ZNF217: variants seen among roughly 807,000 people sequenced by gnomAD.
ZNF217 encodes the protein zinc finger protein 217.
A neutral mutation model predicts 73.3 loss-of-function variants in ZNF217; 12 were observed. That is an observed-to-expected ratio of 0.16 (90% CI 0.10 to 0.27). The LOEUF is 0.27. Among genes scored for constraint, ZNF217 ranks in the 10% least tolerant of loss-of-function variants. ZNF217 has a pLI of 1.00. For missense variants in ZNF217, 1,195 were observed against 1,327.8 expected (o/e 0.90, Z 1.55); for synonymous variants, 588 against 516.4 (o/e 1.14, Z -1.88).
At position 53,592,382 on chromosome 20, in the gene ZNF217, G is replaced by C. The variant is rs1403393571; in HGVS notation, c.-343+1374C>G. Among the ~76,000 whole-genome samples the C allele has an allele frequency of 6.5e-5, 9 of 138,396 alleles. No homozygotes were observed. In the East Asian group the frequency reaches 1.4e-3, roughly 21 times the overall value. The allele number at this position is 138,396 out of a possible 152,430, so 90.8% of individuals were successfully genotyped here. A position where few individuals can be genotyped will look rare whatever the true frequency, so the allele number is the denominator to read the frequency against. On this transcript the variant is annotated intron_variant, in intron 1 of 5. Transcript: ENST00000371471. ...AACCTGAAATGACTACCCTTTTCTG[G>C]GGGGTGGGGGGAAAGAAAAAGAAAA...
At chr20:53,591,407 C>A (rs1988875119) in intron 1 of ZNF217, among the ~76,000 whole-genome samples, 2 of 152,166 alleles carry the variant, frequency 1.3e-5, no homozygotes, top group African/African-American at 4.8e-5. Context: ...CCTCATCACG[C>A]CAAATCATTA....
In ZNF217 at chr20:53,581,626, G is replaced by A; in HGVS notation, c.1201C>T (p.Arg401Trp). ...GTGGGCGACTCCGCGCCGGCCCTCC[G>A]GTCCTTCTTGTGGACCCTGGAGTGC... The part of the protein sequence containing the change: ...VLHSRVHKKD[R>W]RAGAESPTMS... Residue 401 changes from arginine to tryptophan, a missense_variant, in exon 2 of 6, where the codon CGG becomes TGG. Arg to Trp is a moderately radical substitution (Grantham distance 101). Around this residue, in one of 9 missense-constraint regions of ZNF217, gnomAD observed 116 missense variants for 121.9 expected, o/e 0.95. Transcript: ENST00000371471. This position sits in a 1 kb window ranked among gnomAD's most constrained non-coding sequence, Gnocchi z 4.9. 1.9e-6 allele frequency: 3 copies of A among 1,614,208 alleles called. No homozygotes were observed. Among genetic ancestry groups the A allele is most frequent in the African/African-American group, 1.3e-5 (1 of 75,054 alleles).
intron 4 of ZNF217, among the ~76,000 whole-genome samples, chr20:53,573,313 A>C (rs1988099660): frequency 6.6e-6 from 1 of 152,000 alleles, no homozygotes; most frequent in South Asian, 2.1e-4. Context: ...AGCAGAGACG[A>C]GGTTTCTCCA....
chr20:53,576,183 A>G lies in ZNF217; in HGVS notation c.2581T>C (p.Leu861=), dbSNP rs1239488198. ...GAAGGAGCTACTGGAAGAGGTTTCAATTTTGTCTCGGGTCTTTTTGTCTTA... is the reference window on the plus strand; with the variant it reads ...GAAGGAGCTACTGGAAGAGGTTTCAGTTTTGTCTCGGGTCTTTTTGTCTTA... The part of the protein sequence containing the change: ...PDKTKRPETK[L]KPLPVAPSQP... Residue 861 remains leucine, a synonymous_variant, in exon 4 of 6, where the codon TTG becomes CTG. Coordinates refer to ENST00000371471, the MANE Select transcript of ZNF217 (RefSeq NM_006526.3). 1.2e-6 allele frequency: 2 copies of G among 1,614,144 alleles called. No homozygotes were observed. The highest frequency in any genetic ancestry group is 1.7e-6 in the Non-Finnish European group (2 of 1,180,028).
At chr20:53,585,482 T>C (rs1988663969) in intron 1 of ZNF217, among the ~76,000 whole-genome samples, 1 of 152,002 alleles carries the variant, frequency 6.6e-6, no homozygotes, top group Non-Finnish European at 1.5e-5. Context: ...GAGGTGGAGG[T>C]TGCAGTGAGC....
chr20:53,576,671 G>A lies in ZNF217; in HGVS notation c.2093C>T (p.Pro698Leu), dbSNP rs369074794. ...CAAACTTTTACTCAAAGAAATTGCC[G>A]GGCAATTGTGAAGAGCCCCCACGGA... is the stretch of plus-strand genomic sequence containing the variant. ...NLSVGALHNCPAISLSKSLIP... is the reference protein window; with the variant it reads ...NLSVGALHNCLAISLSKSLIP... Residue 698 changes from proline to leucine, a missense_variant, in exon 4 of 6, where the codon CCG becomes CTG. This residue lies in a region of ZNF217 where 649 missense variants were observed against 642.8 expected (regional missense o/e 1.01). Coordinates refer to ENST00000371471, the MANE Select transcript of ZNF217 (RefSeq NM_006526.3). 11 of 1,614,040 alleles carry A rather than the reference G, an allele frequency of 6.8e-6. No homozygotes were observed. Among genetic ancestry groups the A allele is most frequent in the Admixed American group, 3.3e-5 (2 of 60,004 alleles).
upstream of ZNF217, among the ~76,000 whole-genome samples, chr20:53,596,251 A>AG (rs1338970955): frequency 6.6e-6 from 1 of 151,970 alleles, no homozygotes; most frequent in East Asian, 1.9e-4. Context: ...AAAAAAAAAA[A>AG]AGAGAGCGCC....
rs770290914 is a variant in ZNF217, at chr20:53,569,244, A to G, written c.*44T>C. On this transcript the variant is annotated 3_prime_UTR_variant, in exon 6 of 6. Coordinates refer to ENST00000371471, the MANE Select transcript of ZNF217 (RefSeq NM_006526.3). ...GTAAAATTTAATTTCATGGGGAGTAAGCACTGACATCCACCAAGACCTAAG... is the reference window on the plus strand; with the variant it reads ...GTAAAATTTAATTTCATGGGGAGTAGGCACTGACATCCACCAAGACCTAAG... 3.7e-6 allele frequency: 5 copies of G among 1,347,828 alleles called. No individual in the cohort carries two copies. The highest frequency in any genetic ancestry group is 4.9e-6 in the Non-Finnish European group (5 of 1,013,582). The allele number at this position is 1,347,828 out of a possible 1,614,324, so 83.5% of individuals were successfully genotyped here. A position where few individuals can be genotyped will look rare whatever the true frequency, so the allele number is the denominator to read the frequency against.
chr20:53,582,147 T>C lies in ZNF217; in HGVS notation c.680A>G (p.Asn227Ser). The C allele has an allele frequency of 6.2e-7, 1 of 1,614,222 alleles. No homozygotes were observed. Among genetic ancestry groups the C allele is most frequent in the Non-Finnish European group, 8.5e-7 (1 of 1,180,044 alleles). The part of the protein sequence containing the change: ...ICMVCGFLFP[N>S]KESLIEHRKV... ...GCGGTGCTCAATTAGACTTTCTTTA[T>C]TTGGAAATAGGAAGCCACAAACCAT... Residue 227 changes from asparagine (N) to serine (S), a missense_variant, in exon 2 of 6, where the codon AAT becomes AGT. Physicochemically the swap from Asn to Ser is conservative, Grantham distance 46. Around this residue, in one of 9 missense-constraint regions of ZNF217, gnomAD observed 126 missense variants for 114.4 expected, o/e 1.10. Transcript: ENST00000371471. The surrounding 1 kb of genome is among the most constrained non-coding windows in gnomAD (Gnocchi z 4.8).
intron 1 of ZNF217, among the ~76,000 whole-genome samples, chr20:53,591,429 A>ATT (rs1988876241): frequency 6.6e-6 from 1 of 152,226 alleles, no homozygotes; most frequent in Admixed American, 6.5e-5. Flanking sequence ...AATTCCAAAC[A>ATT]AACAGATTAT....
intron 1 of ZNF217, among the ~76,000 whole-genome samples, chr20:53,591,206 G>C (rs188097113): frequency 6.6e-6 from 1 of 152,110 alleles, no homozygotes; most frequent in Non-Finnish European, 1.5e-5. Flanking sequence ...GCTAAACTTC[G>C]ATCTCACAAG....
chr20:53,567,934 A>C lies in ZNF217; in HGVS notation c.*1354T>G, dbSNP rs528770228. ...TTATTTTTGAAACAGTTTCTTAATAAAATATTTTGTGGTCACTAAGCCCAT... is the reference window on the plus strand; with the variant it reads ...TTATTTTTGAAACAGTTTCTTAATACAATATTTTGTGGTCACTAAGCCCAT... On this transcript the variant is annotated 3_prime_UTR_variant, in exon 6 of 6. Transcript: ENST00000371471. 4 of 152,748 alleles carry C rather than the reference A, an allele frequency of 2.6e-5. No individual in the cohort carries two copies. The South Asian group carries it at 8.3e-4, about 32-fold the overall frequency. The allele number at this position is 152,748 out of a possible 1,614,324, so 9.5% of individuals were successfully genotyped here. A position where few individuals can be genotyped will look rare whatever the true frequency, so the allele number is the denominator to read the frequency against.
chr20:53,585,740 G>A (rs1391924363), intron 1 of ZNF217, among the ~76,000 whole-genome samples: 2 of 152,182 alleles, frequency 1.3e-5, no homozygotes, highest in African/African-American at 4.8e-5. Flanking sequence ...AATGAAGGAG[G>A]TTCAGTGGGA....
Position 53,581,399 on chromosome 20 carries a change from G to C in ZNF217, c.1366+62C>G, listed in dbSNP as rs1264291975. On this transcript the variant is annotated intron_variant, in intron 2 of 5. Coordinates refer to ENST00000371471, the MANE Select transcript of ZNF217 (RefSeq NM_006526.3). The surrounding 1 kb of genome is among the most constrained non-coding windows in gnomAD (Gnocchi z 4.9). ...TTGTCTGGAGATGGGAATAGAGAGGGGGAGACGGGGAGACAGACAGACACA... is the reference window on the plus strand; with the variant it reads ...TTGTCTGGAGATGGGAATAGAGAGGCGGAGACGGGGAGACAGACAGACACA... The C allele has an allele frequency of 1.3e-6, 2 of 1,525,642 alleles. No homozygotes were observed. The highest frequency in any genetic ancestry group is 8.8e-7 in the Non-Finnish European group (1 of 1,139,554). 94.5% of individuals were successfully genotyped at this position (1,525,642 alleles called of 1,614,324 possible). A position where few individuals can be genotyped will look rare whatever the true frequency, so the allele number is the denominator to read the frequency against.
chr20:53,571,581 T>G, intron 5 of ZNF217, 140 bp downstream of exon 5: 1 of 1,115,694 alleles, frequency 9.0e-7, no homozygotes, highest in African/African-American at 1.6e-5. Flanking sequence ...AATTTGTGTA[T>G]TTTTAGTACA....
Position 53,576,229 on chromosome 20 carries a change from G to C in ZNF217, c.2535C>G (p.Thr845=). 1 of 1,614,216 alleles carries C rather than the reference G, an allele frequency of 6.2e-7. No homozygotes were observed. The highest frequency in any genetic ancestry group is 8.5e-7 in the Non-Finnish European group (1 of 1,180,038). Residue 845 remains threonine, a synonymous_variant, in exon 4 of 6, where the codon ACC becomes ACG. Coordinates refer to ENST00000371471, the MANE Select transcript of ZNF217 (RefSeq NM_006526.3). ...TCTTATCCGGTGCAGGGGAAACACTGGTTTTAGGAAACATCTCAGATTGCT... is the reference window on the plus strand; with the variant it reads ...TCTTATCCGGTGCAGGGGAAACACTCGTTTTAGGAAACATCTCAGATTGCT... ...RQQQSEMFPK[T]SVSPAPDKTK...
intron 2 of ZNF217, among the ~76,000 whole-genome samples, chr20:53,579,783 A>C (rs1047085787): frequency 8.5e-5 from 13 of 152,218 alleles, no homozygotes; most frequent in African/African-American, 3.1e-4. Context: ...GGTGGAAGAC[A>C]GGGGTCAATG....
intron 4 of ZNF217, chr20:53,574,327 C>T (rs1258480433): frequency 4.6e-5 from 7 of 152,172 alleles, no homozygotes; most frequent in East Asian, 3.8e-4. Flanking sequence ...ACTCTTTAAT[C>T]GGAAGTTCTT....
In ZNF217 at chr20:53,581,788, C is replaced by G. The variant is rs767201884; in HGVS notation, c.1039G>C (p.Glu347Gln). Reference sequence around the variant, plus strand: ...TGGGAGTGTTTGCACTTCTCTTTCTCTTGCGAGAGGCCTGCACAACTGCCC... The same window carrying G: ...TGGGAGTGTTTGCACTTCTCTTTCTGTTGCGAGAGGCCTGCACAACTGCCC... The part of the protein sequence containing the change: ...NKGSCAGLSQ[E>Q]KEKCKHSHGE... The change falls in exon 2 of 6, where the codon GAG (glutamate) becomes CAG (glutamine). Residue 347 changes from glutamate to glutamine, a missense_variant. This residue lies in a region of ZNF217 where 102 missense variants were observed against 91.9 expected (regional missense o/e 1.11). Transcript: ENST00000371471. The surrounding 1 kb of genome is among the most constrained non-coding windows in gnomAD (Gnocchi z 4.9). The G allele has an allele frequency of 1.9e-6, 3 of 1,614,244 alleles. No individual in the cohort carries two copies. In the East Asian group the frequency reaches 6.7e-5, roughly 36 times the overall value.
Sources: allele counts gnomAD v4.1 joint callset (sites outside exome capture counted in the v4.1 genomes callset), GRCh38; gene constraint gnomAD v4.1.1; regional missense constraint gnomAD v4.1.1; non-coding constraint Gnocchi (gnomAD v3.1); transcripts MANE v1.5; gene names NCBI Gene and HGNC (gene_info 2026-07-23, HGNC 2026-07-21).